Variants in GHITM observed in about 807,000 individuals in gnomAD.
The protein encoded by GHITM is growth hormone-inducible transmembrane protein.
A neutral mutation model predicts 38.7 loss-of-function variants in GHITM; 24 were observed. That is an observed-to-expected ratio of 0.62 (90% CI 0.45 to 0.87). The LOEUF is 0.87. Ranked by LOEUF, GHITM falls within the 40% of genes least tolerant of loss-of-function variation. GHITM has a pLI of 0.00. For missense variants in GHITM, 420 were observed against 429.8 expected (o/e 0.98, Z 0.20); for synonymous variants, 154 against 147.8 (o/e 1.04, Z -0.30).
At chr10:84,148,574 G>A (rs1841580371) in intron 5 of GHITM, among the ~76,000 whole-genome samples, 156 bp from the exon 6 acceptor site, 1 of 152,216 alleles carries the variant, frequency 6.6e-6, no homozygotes, top group African/African-American at 2.4e-5. Context: ...GGGATTGCAG[G>A]CGTGAGCCAC....
At chr10:84,147,520 G>A (rs1032879752) in intron 5 of GHITM, among the ~76,000 whole-genome samples, 10 of 152,326 alleles carry the variant, frequency 6.6e-5, no homozygotes, top group African/African-American at 2.4e-4. Flanking sequence ...ATACAGATGA[G>A]TGAGGAGGCC....
At chr10:84,141,331 C>G in intron 1 of GHITM, 131 bp from the exon 2 acceptor site, 1 of 558,972 alleles carries the variant, frequency 1.8e-6, no homozygotes, top group South Asian at 2.4e-5. Context: ...TTAAAAAGGT[C>G]GCTTTATTTC....
chr10:84,143,852 C>A, intron 3 of GHITM, 143 bp from the exon 4 acceptor site: 1 of 604,764 alleles, frequency 1.7e-6, no homozygotes, highest in Non-Finnish European at 3.0e-6. Flanking sequence ...GGTTACCTAA[C>A]ATTGAGGCAA....
intron 3 of GHITM, among the ~76,000 whole-genome samples, chr10:84,143,228 G>T (rs539429877): frequency 1.3e-5 from 2 of 152,272 alleles, no homozygotes; most frequent in African/African-American, 4.8e-5. Context: ...TATCAACTTT[G>T]CAAGTTCAGA....
rs370176118 is a variant in GHITM, at chr10:84,152,231, A to G, written c.954-33A>G. On this transcript the variant is annotated intron_variant, in intron 8 of 8. Transcript: ENST00000372134. ...AATTCAACATCACTATTAGAATTGC[A>G]TCATATATAATGGGCATAATTTTCT... is the stretch of plus-strand genomic sequence containing the variant. 8.0e-5 allele frequency: 77 copies of G among 957,724 alleles called. No individual in the cohort carries two copies. The African/African-American group carries it at 1.1e-3, about 13-fold the overall frequency. The allele number at this position is 957,724 out of a possible 1,614,324, so 59.3% of individuals were successfully genotyped here.
chr10:84,144,433 G>C (rs972574522), intron 4 of GHITM, among the ~76,000 whole-genome samples: 10 of 152,156 alleles, frequency 6.6e-5, no homozygotes, highest in African/African-American at 2.2e-4. Context: ...TTGGCTCACT[G>C]CAACCTCCGC....
intron 3 of GHITM, 21 bp downstream of exon 3, chr10:84,142,775 T>C (rs766549598): frequency 7.7e-7 from 1 of 1,292,680 alleles, no homozygotes; most frequent in South Asian, 1.2e-5. Flanking sequence ...ATCTTTAGTT[T>C]TTAACCTAGA....
At chr10:84,141,748 C>T in intron 2 of GHITM, 119 bp downstream of exon 2, 1 of 868,562 alleles carries the variant, frequency 1.2e-6, no homozygotes, top group East Asian at 2.4e-5. Context: ...TGATAATATC[C>T]CCAATCAGCT....
chr10:84,150,434 T>A (rs904983174), intron 7 of GHITM, among the ~76,000 whole-genome samples, 191 bp downstream of exon 7: 1 of 152,238 alleles, frequency 6.6e-6, no homozygotes, highest in Admixed American at 6.5e-5. Context: ...TTACTGGCTT[T>A]ACCAAACACA....
intron 8 of GHITM, 70 bp downstream of exon 8, chr10:84,150,950 T>C (rs1433919753): frequency 4.3e-6 from 5 of 1,155,500 alleles, no homozygotes; most frequent in Non-Finnish European, 5.1e-6. Context: ...TTGACCTGTT[T>C]TGGTTTATGG....
At chr10:84,148,350 T>C (rs1841577895) in intron 5 of GHITM, among the ~76,000 whole-genome samples, 1 of 152,226 alleles carries the variant, frequency 6.6e-6, no homozygotes, top group Non-Finnish European at 1.5e-5. Context: ...TAGAGTGCAG[T>C]GGCACGATCT....
chr10:84,146,137 A>C (rs1237670028), intron 5 of GHITM, among the ~76,000 whole-genome samples: 3 of 152,118 alleles, frequency 2.0e-5, no homozygotes, highest in Admixed American at 6.6e-5. Context: ...AGGTAGGAAA[A>C]CCTAATTTCA....
Position 84,141,545 on chromosome 10 carries a change from G to A in GHITM, c.45G>A (p.Arg15=). 1 of 1,613,658 alleles carries A rather than the reference G, an allele frequency of 6.2e-7. No individual in the cohort carries two copies. ...TGTGTCTCCGGACACTACCTTCTAG[G>A]GTTTTCCACCCAGCTTTCACCAAGG... The part of the protein sequence containing the change: ...RLVCLRTLPS[R]VFHPAFTKAS... The change falls in exon 2 of 9, where the codon AGG becomes AGA. Residue 15 remains arginine, a synonymous_variant. Transcript: ENST00000372134.
Position 84,148,787 on chromosome 10 carries a change from C to T in GHITM, c.541C>T (p.Pro181Ser). 2.5e-6 allele frequency: 4 copies of T among 1,613,278 alleles called. No individual in the cohort carries two copies. Among genetic ancestry groups the T allele is most frequent in the Non-Finnish European group, 3.4e-6 (4 of 1,179,206 alleles). The change falls in exon 6 of 9, where the codon CCA (proline) becomes TCA (serine). Residue 181 changes from proline to serine, a missense_variant. Coordinates refer to ENST00000372134, the MANE Select transcript of GHITM (RefSeq NM_014394.3). The stretch of plus-strand genomic sequence containing the variant: ...AGCTGGAATGCTGGTACGATCAATA[C>T]CATATGACCAGAGCCCAGGCCCAAA... ...VGAGMLVRSI[P>S]YDQSPGPKHL... is the part of the protein sequence containing the mutation.
intron 2 of GHITM, among the ~76,000 whole-genome samples, chr10:84,142,055 T>C (rs7092538): frequency 0.4 from 61,535 of 152,056 alleles, 13,287 homozygotes; most frequent in Non-Finnish European, 0.49. Flanking sequence ...AGAAACCCAT[T>C]TTTATAATAG....
Position 84,145,031 on chromosome 10 carries a change from T to A in GHITM, c.483+15T>A. 6.4e-7 allele frequency: 1 copy of A among 1,573,472 alleles called. No homozygotes were observed. The highest frequency in any genetic ancestry group is 8.6e-7 in the Non-Finnish European group (1 of 1,157,126). On this transcript the variant is annotated intron_variant, in intron 5 of 8. Coordinates refer to ENST00000372134, the MANE Select transcript of GHITM (RefSeq NM_014394.3). The stretch of plus-strand genomic sequence containing the variant: ...GCTCTTGGGTGGTAAGTCAGCTGTT[T>A]TTGTTTTCCTTTTTCATCTAAAGAT...
intron 5 of GHITM, among the ~76,000 whole-genome samples, chr10:84,148,248 T>C (rs1447408003): frequency 6.6e-6 from 1 of 152,138 alleles, no homozygotes; most frequent in African/African-American, 2.4e-5. Flanking sequence ...ACCCAGAGCT[T>C]TTAATGTGCC....
At chr10:84,151,401 G>T (rs12261669) in intron 8 of GHITM, among the ~76,000 whole-genome samples, 16,324 of 152,052 alleles carry the variant, frequency 0.11, 1,774 homozygotes, top group African/African-American at 0.28. Flanking sequence ...TAATACTTAG[G>T]TATTCATTCC....
chr10:84,150,744 G>A lies in GHITM; in HGVS notation c.817G>A (p.Ala273Thr). The A allele has an allele frequency of 1.2e-6, 2 of 1,612,502 alleles. No individual in the cohort carries two copies. The highest frequency in any genetic ancestry group is 1.7e-6 in the Non-Finnish European group (2 of 1,178,864). The change falls in exon 8 of 9, where the codon GCC becomes ACC. Residue 273 changes from alanine (A) to threonine (T), a missense_variant. By Grantham distance (58) the Ala-to-Thr change is moderately conservative. Coordinates refer to ENST00000372134, the MANE Select transcript of GHITM (RefSeq NM_014394.3). ...MFLPPTTVAG[A>T]TLYSVAMYGG... ...TCTTCCACCTACCACCGTGGCTGGTGCCACTCTTTACTCAGTGGCAATGTA... is the reference window on the plus strand; with the variant it reads ...TCTTCCACCTACCACCGTGGCTGGTACCACTCTTTACTCAGTGGCAATGTA...
Sources: gnomAD v4.1 joint callset for allele counts (sites outside exome capture counted in the v4.1 genomes callset) on GRCh38, gnomAD v4.1.1 for gene constraint, MANE v1.5 for transcripts, NCBI Gene and HGNC (gene_info 2026-07-23, HGNC 2026-07-21) for gene names.